Variants in PCCA observed in about 807,000 individuals in gnomAD.
PCCA encodes propionyl-CoA carboxylase subunit alpha.
A neutral mutation model predicts 101.3 loss-of-function variants in PCCA; 74 were observed. That is an observed-to-expected ratio of 0.73 (90% CI 0.61 to 0.89). PCCA has a LOEUF of 0.89. Among genes scored for constraint, PCCA ranks in the 40% least tolerant of loss-of-function variants. The pLI is 0.00. For missense variants in PCCA, 891 were observed against 907.0 expected (o/e 0.98, Z 0.23); for synonymous variants, 294 against 313.6 (o/e 0.94, Z 0.66).
intron 7 of PCCA, among the ~76,000 whole-genome samples, chr13:100,213,184 T>G (rs1427237383): frequency 6.6e-6 from 1 of 152,236 alleles, no homozygotes; most frequent in African/African-American, 2.4e-5. Context: ...TTGTGGATAG[T>G]GTTGTGGTAA....
chr13:100,203,144 C>A (rs568337869), intron 6 of PCCA, among the ~76,000 whole-genome samples: 1 of 151,466 alleles, frequency 6.6e-6, no homozygotes, highest in African/African-American at 2.4e-5. Flanking sequence ...CGTGGTGGTG[C>A]GCGTCTGTAG....
chr13:100,298,088 AT>A (rs2065700113), intron 12 of PCCA, among the ~76,000 whole-genome samples: 1 of 151,650 alleles, frequency 6.6e-6, no homozygotes, highest in African/African-American at 2.4e-5. Context: ...TGGATCCCTG[AT>A]TTGTGTGCTT....
At chr13:100,268,631 C>A (rs1482128830) in intron 10 of PCCA, 58 bp from the exon 11 acceptor site, 12 of 1,196,440 alleles carry the variant, frequency 1.0e-5, no homozygotes, top group Non-Finnish European at 1.3e-5. Context: ...AAAATATTAA[C>A]CATCATCTAC....
At chr13:100,278,242 G>A (rs1033815445) in intron 12 of PCCA, among the ~76,000 whole-genome samples, 1 of 152,108 alleles carries the variant, frequency 6.6e-6, no homozygotes, top group African/African-American at 2.4e-5. Context: ...AAAATAGCTT[G>A]TAATTTGATT....
intron 23 of PCCA, among the ~76,000 whole-genome samples, chr13:100,528,547 C>T (rs1323029285): frequency 1.3e-5 from 2 of 152,204 alleles, no homozygotes; most frequent in Non-Finnish European, 2.9e-5. Flanking sequence ...GTCTCATGCT[C>T]TGTCACTGCA....
intron 19 of PCCA, among the ~76,000 whole-genome samples, chr13:100,410,222 T>C (rs1181882385): frequency 6.6e-6 from 1 of 152,120 alleles, no homozygotes; most frequent in Non-Finnish European, 1.5e-5. Flanking sequence ...AGGGAAATTT[T>C]TTTTGTTTTT....
intron 21 of PCCA, among the ~76,000 whole-genome samples, chr13:100,471,270 T>C (rs2082989318): frequency 6.6e-6 from 1 of 152,182 alleles, no homozygotes; most frequent in Admixed American, 6.5e-5. Flanking sequence ...CCATCGTACA[T>C]GGGCACAGTT....
chr13:100,231,049 T>C (rs1357073157), intron 7 of PCCA, among the ~76,000 whole-genome samples: 1 of 152,212 alleles, frequency 6.6e-6, no homozygotes, highest in Non-Finnish European at 1.5e-5. Flanking sequence ...AAGGTGTCTT[T>C]TCAGTTACCA....
At chr13:100,114,699 A>G (rs970983295) in intron 4 of PCCA, among the ~76,000 whole-genome samples, 15 of 152,258 alleles carry the variant, frequency 9.9e-5, no homozygotes, top group Admixed American at 6.5e-4. Flanking sequence ...ATTACTGATC[A>G]TTACGGAAAT....
At chr13:100,526,551 G>A (rs1033985647) in intron 22 of PCCA, among the ~76,000 whole-genome samples, 5 of 152,224 alleles carry the variant, frequency 3.3e-5, no homozygotes, top group Non-Finnish European at 7.3e-5. Context: ...GGGGATTTCA[G>A]GAAAGAACAT....
At chr13:100,380,155 A>T (rs1315402920) in intron 19 of PCCA, among the ~76,000 whole-genome samples, 2 of 152,178 alleles carry the variant, frequency 1.3e-5, no homozygotes, top group African/African-American at 4.8e-5. Flanking sequence ...TGAGCCCAAG[A>T]GTTCGAGACC....
chr13:100,253,397 A>G (rs1480962298), intron 8 of PCCA, among the ~76,000 whole-genome samples: 1 of 152,220 alleles, frequency 6.6e-6, no homozygotes, highest in African/African-American at 2.4e-5. Context: ...GATAAGGCTT[A>G]TAGTGTATAT....
intron 14 of PCCA, among the ~76,000 whole-genome samples, chr13:100,306,292 CT>C (rs888282077): frequency 3.3e-5 from 5 of 152,340 alleles, no homozygotes; most frequent in Non-Finnish European, 7.3e-5. Flanking sequence ...CATCAAAGTC[CT>C]GCTGTTCCAG....
At chr13:100,116,170 A>G (rs1327372858) in intron 4 of PCCA, among the ~76,000 whole-genome samples, 1 of 152,236 alleles carries the variant, frequency 6.6e-6, no homozygotes, top group African/African-American at 2.4e-5. Flanking sequence ...TGAAAAAGCC[A>G]TGCTATTCAG....
chr13:100,393,533 C>A (rs1227822719), intron 19 of PCCA, among the ~76,000 whole-genome samples: 4 of 151,652 alleles, frequency 2.6e-5, no homozygotes, highest in Admixed American at 6.6e-5. Flanking sequence ...ATTCTCCTGC[C>A]TCAGCCTCCC....
At chr13:100,208,408 T>C (rs529373614) in intron 6 of PCCA, among the ~76,000 whole-genome samples, 2 of 152,316 alleles carry the variant, frequency 1.3e-5, no homozygotes, top group East Asian at 1.9e-4. Context: ...GTTTATTGTT[T>C]ATACCAACTC....
At chr13:100,257,498 A>T in intron 8 of PCCA, 97 bp from the exon 9 acceptor site, 1 of 858,484 alleles carries the variant, frequency 1.2e-6, no homozygotes, top group Non-Finnish European at 1.9e-6. Context: ...TAAATTAATT[A>T]TTGTTTTCTG....
intron 6 of PCCA, among the ~76,000 whole-genome samples, chr13:100,184,837 G>T (rs896650461): frequency 6.6e-6 from 1 of 152,118 alleles, no homozygotes; most frequent in Non-Finnish European, 1.5e-5. Flanking sequence ...GACTACAAAC[G>T]TGGTGGGCTG....
chr13:100,151,331 C>T (rs569260888), intron 4 of PCCA, among the ~76,000 whole-genome samples: 1 of 152,248 alleles, frequency 6.6e-6, no homozygotes, highest in East Asian at 1.9e-4. Context: ...GTGGCTCACA[C>T]CTGTAATCCC....
Sources: gnomAD v4.1 joint callset for allele counts (sites outside exome capture counted in the v4.1 genomes callset) on GRCh38, gnomAD v4.1.1 for gene constraint, MANE v1.5 for transcripts, NCBI Gene and HGNC (gene_info 2026-07-23, HGNC 2026-07-21) for gene names.